SMARCA2: variants seen among roughly 807,000 people sequenced by gnomAD.
The protein encoded by SMARCA2 is SWI/SNF-related matrix-associated actin-dependent regulator of chromatin subfamily A member 2.
SMARCA2 carries 61 observed loss-of-function variants against 199.8 expected under a neutral mutation model. The observed-to-expected ratio is 0.31, with a 90% CI of 0.25 to 0.38. The LOEUF is 0.38. Ranked by LOEUF, SMARCA2 falls within the 10% of genes least tolerant of loss-of-function variation. The pLI is 1.00. For synonymous variants in SMARCA2, 935 were observed against 732.0 expected, an observed-to-expected ratio of 1.28 and a Z score of -4.48; for missense variants, 1,344 against 2,012.2, an observed-to-expected ratio of 0.67 and a Z score of 6.35.
Position 2,073,503 on chromosome 9 carries a change from G to A in SMARCA2, c.1878-63G>A, listed in dbSNP as rs1393245368. The A allele has an allele frequency of 2.7e-6, 4 of 1,480,854 alleles. No homozygotes were observed. In the East Asian group the frequency reaches 6.9e-5, roughly 25 times the overall value. The allele number at this position is 1,480,854 out of a possible 1,614,324, so 91.7% of individuals were successfully genotyped here. On this transcript the variant is annotated intron_variant, in intron 11 of 33. Transcript: ENST00000349721. The stretch of plus-strand genomic sequence containing the variant: ...TAGAATGTGCTATTAAGTCATGTGT[G>A]TCTTTATTGTATTGTAATTTAAAAA...
At chr9:2,144,267 G>C (rs1202475096) in intron 27 of SMARCA2, among the ~76,000 whole-genome samples, 1 of 152,134 alleles carries the variant, frequency 6.6e-6, no homozygotes, top group African/African-American at 2.4e-5. Flanking sequence ...ATTTCAGGGA[G>C]GAGAGGGAAA....
intron 29 of SMARCA2, among the ~76,000 whole-genome samples, chr9:2,175,391 C>T (rs1826513687): frequency 6.7e-6 from 1 of 149,652 alleles, no homozygotes; most frequent in South Asian, 2.1e-4. Flanking sequence ...GTAATAAATG[C>T]AATGGGAGAA....
At chr9:2,063,735 G>A (rs1003409178) in intron 9 of SMARCA2, among the ~76,000 whole-genome samples, 2 of 50,110 alleles carry the variant, frequency 4.0e-5, no homozygotes, top group Non-Finnish European at 7.9e-5. Context: ...TTAAACTAGT[G>A]TACAATTTTT....
intron 6 of SMARCA2, among the ~76,000 whole-genome samples, chr9:2,055,881 G>T (rs1820330166): frequency 6.6e-6 from 1 of 152,082 alleles, no homozygotes; most frequent in South Asian, 2.1e-4. Context: ...GTTCAAATTA[G>T]CGTTGCCATG....
intron 22 of SMARCA2, among the ~76,000 whole-genome samples, 198 bp downstream of exon 22, chr9:2,101,814 G>C (rs1822529711): frequency 6.6e-6 from 1 of 152,098 alleles, no homozygotes; most frequent in African/African-American, 2.4e-5. Context: ...TTAAGCAAGT[G>C]GCTATTCAAA....
chr9:2,123,940 A>T lies in SMARCA2; in HGVS notation c.3981+3A>T. 1 of 1,558,658 alleles carries T rather than the reference A, an allele frequency of 6.4e-7. No individual in the cohort carries two copies. Among genetic ancestry groups the T allele is most frequent in the Non-Finnish European group, 8.7e-7 (1 of 1,150,852 alleles). On this transcript the variant is annotated splice_donor_region_variant and intron_variant, in intron 27 of 33. Transcript: ENST00000349721. The surrounding 1 kb of genome is among the most constrained non-coding windows in gnomAD (Gnocchi z 4.1). ...TCACGGAGAAGCAGTGGCTAAGGGT[A>T]AGCCTAGCTTTTCTAACCCGCTCTC...
chr9:2,149,718 A>G (rs957635133), intron 27 of SMARCA2, among the ~76,000 whole-genome samples: 3 of 151,538 alleles, frequency 2.0e-5, no homozygotes, highest in Non-Finnish European at 3.0e-5. Context: ...AAACCATATC[A>G]CTGGCCATGT....
chr9:2,022,513 C>T (rs564781688), intron 1 of SMARCA2, among the ~76,000 whole-genome samples: 1 of 152,206 alleles, frequency 6.6e-6, no homozygotes, highest in Non-Finnish European at 1.5e-5. Flanking sequence ...ATTGTTGTTG[C>T]TACTGTGAAA....
In SMARCA2 at chr9:2,016,470, G is replaced by A. The variant is rs193151798; in HGVS notation, c.-37+1066G>A. The A allele has an allele frequency of 0.013, 1,940 of 152,578 alleles. 21 individuals carry two copies. Among genetic ancestry groups the A allele is most frequent in the Non-Finnish European group, 0.021 (1,447 of 68,266 alleles). 9.5% of individuals were successfully genotyped at this position (152,578 alleles called of 1,614,324 possible). ...CGTCTTCCCCTTGCTTGCGCCGCGG[G>A]AGCTGCGGGCGTGGGGCGCCTGCGA... On this transcript the variant is annotated intron_variant, in intron 1 of 33. Transcript: ENST00000349721. The surrounding 1 kb of genome is among the most constrained non-coding windows in gnomAD (Gnocchi z 5.6).
chr9:2,094,844 T>C (rs1436669250), intron 19 of SMARCA2, among the ~76,000 whole-genome samples: 1 of 152,158 alleles, frequency 6.6e-6, no homozygotes, highest in Non-Finnish European at 1.5e-5. Context: ...TGATGTCATT[T>C]TACCATTATA....
chr9:2,073,539 C>G, intron 11 of SMARCA2, 27 bp from the exon 12 acceptor site: 1 of 1,593,854 alleles, frequency 6.3e-7, no homozygotes, highest in East Asian at 2.2e-5. Flanking sequence ...ACTAAGCCCC[C>G]TCCTCTTCCT....
In SMARCA2 at chr9:2,060,118, C is replaced by CAAAAAAA. The variant is rs372329238; in HGVS notation, c.1522-672_1522-666dup. ...CCATTACTCAGTGCAGATCTGTGGC[C>CAAAAAAA]AAAAAAAAAAAAAAAAAAAAAAAAA... On this transcript the variant is annotated intron_variant, in intron 8 of 33. Transcript: ENST00000349721. Among the ~76,000 whole-genome samples, 52 of 62,400 alleles carry CAAAAAAA rather than the reference C, an allele frequency of 8.3e-4. 3 individuals are homozygous for CAAAAAAA. Among genetic ancestry groups the CAAAAAAA allele is most frequent in the African/African-American group, 2.1e-3 (47 of 22,538 alleles). 40.9% of individuals were successfully genotyped at this position (62,400 alleles called of 152,430 possible).
intron 3 of SMARCA2, among the ~76,000 whole-genome samples, chr9:2,036,470 G>C (rs1283721971): frequency 6.6e-6 from 1 of 152,108 alleles, no homozygotes; most frequent in Admixed American, 6.5e-5. Flanking sequence ...TCTTCACTCT[G>C]TTTTCTCAAC....
At chr9:2,028,462 A>G (rs1032838358) in intron 1 of SMARCA2, among the ~76,000 whole-genome samples, 1 of 152,158 alleles carries the variant, frequency 6.6e-6, no homozygotes, top group Admixed American at 6.5e-5. Flanking sequence ...TGCTTTTTTC[A>G]TGATTGGGAC....
Position 2,094,064 on chromosome 9 carries a change from A to C in SMARCA2, c.2884-2593A>C, listed in dbSNP as rs188209094. On this transcript the variant is annotated intron_variant, in intron 19 of 33. Transcript: ENST00000349721. ...AGTGTGATTGGGAAAGATCTTAAAA[A>C]GGGCCCTCAAGGTAGAGTAGAGTTA... is the stretch of plus-strand genomic sequence containing the variant. 9.1e-4 allele frequency among the ~76,000 whole-genome samples: 138 copies of C among 152,314 alleles called. 1 individual carries two copies. The highest frequency in any genetic ancestry group is 3.2e-3 in the African/African-American group (131 of 41,578).
Position 2,086,933 on chromosome 9 carries a change from C to A in SMARCA2, c.2631C>A (p.Ile877=). The stretch of plus-strand genomic sequence containing the variant: ...CTCACTATGTGGCCCCCAGAAGGAT[C>A]CTCTTGACTGGGACCCCGCTGCAGA... The part of the protein sequence containing the change: ...LNTHYVAPRR[I]LLTGTPLQNK... The change falls in exon 18 of 34, where the codon ATC becomes ATA. Residue 877 remains isoleucine (I), a synonymous_variant. Transcript: ENST00000349721. This position sits in a 1 kb window ranked among gnomAD's most constrained non-coding sequence, Gnocchi z 4.3. The A allele has an allele frequency of 6.2e-7, 1 of 1,614,160 alleles. No individual in the cohort carries two copies. Among genetic ancestry groups the A allele is most frequent in the Non-Finnish European group, 8.5e-7 (1 of 1,180,008 alleles).
intron 12 of SMARCA2, 86 bp downstream of exon 12, chr9:2,073,709 G>A: frequency 1.0e-6 from 1 of 964,486 alleles, no homozygotes; most frequent in Non-Finnish European, 1.6e-6. Flanking sequence ...CGGGCCTTGG[G>A]TCCTTCTATC....
intron 29 of SMARCA2, among the ~76,000 whole-genome samples, chr9:2,178,954 G>T (rs1826816725): frequency 6.6e-6 from 1 of 152,194 alleles, no homozygotes. Context: ...AACACACATG[G>T]AAGAATTAGG....
chr9:2,098,830 C>G (rs1025670505), intron 21 of SMARCA2, among the ~76,000 whole-genome samples: 1 of 151,992 alleles, frequency 6.6e-6, no homozygotes, highest in African/African-American at 2.4e-5. Flanking sequence ...ACCTGTAATC[C>G]TAGCTATTCA....
Sources: gnomAD v4.1 joint callset for allele counts (sites outside exome capture counted in the v4.1 genomes callset) on GRCh38, gnomAD v4.1.1 for gene constraint, Gnocchi (gnomAD v3.1) non-coding constraint, MANE v1.5 for transcripts, NCBI Gene and HGNC (gene_info 2026-07-23, HGNC 2026-07-21) for gene names.